ADCY8: variants seen among roughly 807,000 people sequenced by gnomAD.
ADCY8 encodes the protein adenylate cyclase 8.
In ADCY8, 51 loss-of-function variants were observed where a neutral mutation model predicts 119.7. That is an observed-to-expected ratio of 0.43 (90% confidence interval 0.34 to 0.54). The LOEUF (loss-of-function observed/expected upper bound fraction) is 0.54. ADCY8 is among the 20% of genes least tolerant of loss of function. The pLI, the probability that ADCY8 is intolerant of heterozygous loss-of-function variation, is 0.03. For missense variants in ADCY8, 1,383 were observed against 1,598.8 expected (o/e 0.87, Z 2.30); for synonymous variants, 665 against 651.0 (o/e 1.02, Z -0.33).
chr8:130,971,734 A>C (rs1337275174), intron 2 of ADCY8, among the ~76,000 whole-genome samples: 2 of 152,200 alleles, frequency 1.3e-5, no homozygotes, highest in East Asian at 3.9e-4. Context: ...GAGCACAAGC[A>C]GACTTTAGCT....
intron 5 of ADCY8, among the ~76,000 whole-genome samples, chr8:130,916,076 T>A (rs1453595600): frequency 6.6e-6 from 1 of 152,166 alleles, no homozygotes; most frequent in Non-Finnish European, 1.5e-5. Flanking sequence ...AGTTTACAAG[T>A]GAGAGAACTG....
chr8:131,002,270 T>C (rs1487709496), intron 1 of ADCY8, among the ~76,000 whole-genome samples: 1 of 152,230 alleles, frequency 6.6e-6, no homozygotes, highest in Non-Finnish European at 1.5e-5. Context: ...GTCATTATTA[T>C]TGTTTTCATT....
Position 130,837,299 on chromosome 8 carries a change from C to G in ADCY8, c.2503-850G>C, listed in dbSNP as rs75058237. Among the ~76,000 whole-genome samples the G allele has an allele frequency of 4.0e-3, 614 of 152,290 alleles. 3 individuals are homozygous for G. The Middle Eastern group carries it at 0.048, about 12-fold the overall frequency. ...TGAATAGTAAAGCTCACAAGGCCAT[C>G]ATATATCAGATTTCCTTTCATTCTC... is the stretch of plus-strand genomic sequence containing the variant. On this transcript the variant is annotated intron_variant, in intron 11 of 17. Transcript: ENST00000286355.
chr8:130,806,780 G>T (rs1333423906), intron 14 of ADCY8, among the ~76,000 whole-genome samples: 4 of 152,074 alleles, frequency 2.6e-5, no homozygotes, highest in Non-Finnish European at 5.9e-5. Flanking sequence ...CCTCACCTGG[G>T]TGCCTGAGGG....
At chr8:130,787,588 T>C (rs1815288995) in intron 15 of ADCY8, among the ~76,000 whole-genome samples, 1 of 152,202 alleles carries the variant, frequency 6.6e-6, no homozygotes, top group Non-Finnish European at 1.5e-5. Flanking sequence ...TGTGTGTATG[T>C]CTACATGTGT....
intron 8 of ADCY8, among the ~76,000 whole-genome samples, chr8:130,880,072 T>C (rs1241706353): frequency 6.6e-6 from 1 of 152,176 alleles, no homozygotes; most frequent in Non-Finnish European, 1.5e-5. Context: ...GCCAGCCACA[T>C]AAGATGTGAC....
At chr8:131,035,277 G>A (rs1370602375) in intron 1 of ADCY8, among the ~76,000 whole-genome samples, 2 of 152,152 alleles carry the variant, frequency 1.3e-5, no homozygotes, top group African/African-American at 2.4e-5. Context: ...CTAAGTCAGA[G>A]TGAAATAAAA....
chr8:130,987,748 C>G (rs925725324), intron 2 of ADCY8, among the ~76,000 whole-genome samples: 5 of 152,078 alleles, frequency 3.3e-5, no homozygotes, highest in African/African-American at 1.2e-4. Flanking sequence ...ATTCATTTGT[C>G]AATGACACAT....
rs138634665 is a variant in ADCY8 at position 130,964,571 on chromosome 8, C to T, written c.1111-12573G>A. ...AAAACAATGACACTAAATTAGATGT[C>T]GGCAAGATAGCTGTAAACATCTGTG... On this transcript the variant is annotated intron_variant, in intron 2 of 17. Transcript: ENST00000286355. Among the ~76,000 whole-genome samples, 377 of 152,236 alleles carry T rather than the reference C, an allele frequency of 2.5e-3. 4 individuals are homozygous for T. In the East Asian group the frequency reaches 0.027, roughly 11 times the overall value.
At chr8:131,033,461 T>G (rs1451892807) in intron 1 of ADCY8, among the ~76,000 whole-genome samples, 2 of 152,176 alleles carry the variant, frequency 1.3e-5, no homozygotes, top group Non-Finnish European at 2.9e-5. Flanking sequence ...TAGCATGACA[T>G]TGTAGCAGCT....
intron 7 of ADCY8, among the ~76,000 whole-genome samples, chr8:130,891,513 T>C (rs139539463): frequency 7.2e-5 from 11 of 152,310 alleles, no homozygotes; most frequent in East Asian, 1.9e-4. Flanking sequence ...CTAGTTAATA[T>C]ACCCATCATC....
chr8:130,916,438 T>C (rs951735284), intron 5 of ADCY8, among the ~76,000 whole-genome samples: 3 of 152,250 alleles, frequency 2.0e-5, no homozygotes, highest in African/African-American at 7.2e-5. Context: ...GACTTTAGTG[T>C]CAGCCTGCCG....
chr8:130,939,273 A>T (rs2130629946), intron 4 of ADCY8, among the ~76,000 whole-genome samples: 1 of 152,330 alleles, frequency 6.6e-6, no homozygotes, highest in South Asian at 2.1e-4. Flanking sequence ...AATAAATTTA[A>T]CATTATGAAA....
chr8:130,812,880 T>G (rs1374367996), intron 14 of ADCY8, among the ~76,000 whole-genome samples: 1 of 152,114 alleles, frequency 6.6e-6, no homozygotes, highest in Non-Finnish European at 1.5e-5. Flanking sequence ...TTTATGTATA[T>G]ATACATGCAT....
intron 9 of ADCY8, among the ~76,000 whole-genome samples, chr8:130,859,857 A>G (rs1285085738): frequency 6.6e-6 from 1 of 152,094 alleles, no homozygotes; most frequent in Non-Finnish European, 1.5e-5. Context: ...CCATTTCTAT[A>G]GTTTTGTCTT....
intron 1 of ADCY8, among the ~76,000 whole-genome samples, chr8:130,997,694 C>G (rs1035846882): frequency 1.3e-5 from 2 of 152,172 alleles, no homozygotes; most frequent in African/African-American, 2.4e-5. Flanking sequence ...AATGCCTGAA[C>G]TGTTCAATTA....
rs145979495 is a variant in ADCY8, at chr8:131,018,068, G to T, written c.960+21306C>A. ...ATGTTACGGGTAATTGAGGGAGTTT[G>T]TCATTTGGAATAAGTGTTGGTTTAA... On this transcript the variant is annotated intron_variant, in intron 1 of 17. Transcript: ENST00000286355. Among the ~76,000 whole-genome samples, 1,087 of 152,314 alleles carry T rather than the reference G, an allele frequency of 7.1e-3. 19 individuals carry two copies. Among genetic ancestry groups the T allele is most frequent in the African/African-American group, 0.024 (1,004 of 41,566 alleles).
chr8:130,829,030 A>G (rs1439847883), intron 12 of ADCY8, among the ~76,000 whole-genome samples: 1 of 152,150 alleles, frequency 6.6e-6, no homozygotes, highest in Non-Finnish European at 1.5e-5. Context: ...AAAAGTCTAG[A>G]TAGTCAAAGG....
chr8:130,845,171 A>G (rs1817258806), intron 11 of ADCY8, among the ~76,000 whole-genome samples: 1 of 152,138 alleles, frequency 6.6e-6, no homozygotes, highest in South Asian at 2.1e-4. Flanking sequence ...TGTGATCAAA[A>G]ATCTTACCCA....
Sources: gnomAD v4.1 joint callset for allele counts (sites outside exome capture counted in the v4.1 genomes callset) on GRCh38, gnomAD v4.1.1 for gene constraint, MANE v1.5 for transcripts, NCBI Gene and HGNC (gene_info 2026-07-23, HGNC 2026-07-21) for gene names.